Variants in CTNNA3 observed in about 807,000 individuals in gnomAD.
CTNNA3 encodes the protein catenin alpha-3.
A neutral mutation model predicts 95.7 loss-of-function variants in CTNNA3; 76 were observed. The observed-to-expected ratio is 0.79, with a 90% CI of 0.66 to 0.96. The LOEUF is 0.96. CTNNA3 is among the 40% of genes least tolerant of loss of function. CTNNA3 has a pLI of 0.00. For synonymous variants in CTNNA3, 431 were observed against 374.4 expected (o/e 1.15, Z -1.74); for missense variants, 1,191 against 1,089.8 (o/e 1.09, Z -1.31).
At chr10:67,736,651 T>A (rs1411208898) in intron 1 of CTNNA3, among the ~76,000 whole-genome samples, 1 of 151,826 alleles carries the variant, frequency 6.6e-6, no homozygotes, top group Non-Finnish European at 1.5e-5. Flanking sequence ...GAGATGGGGT[T>A]TCACCGTGTT....
intron 7 of CTNNA3, among the ~76,000 whole-genome samples, chr10:66,945,495 G>A (rs1484815531): frequency 1.3e-5 from 2 of 152,120 alleles, no homozygotes; most frequent in African/African-American, 4.8e-5. Flanking sequence ...GAATGTTGTG[G>A]ATGGTTTGAT....
intron 7 of CTNNA3, among the ~76,000 whole-genome samples, chr10:66,878,103 A>G (rs1844695139): frequency 6.6e-6 from 1 of 152,104 alleles, no homozygotes; most frequent in Non-Finnish European, 1.5e-5. Flanking sequence ...ACATTAAAGG[A>G]AGAAAGTATC....
chr10:67,075,518 C>G (rs1233441248), intron 7 of CTNNA3, among the ~76,000 whole-genome samples: 7 of 152,166 alleles, frequency 4.6e-5, no homozygotes, highest in Non-Finnish European at 8.8e-5. Context: ...ACTTAAGATT[C>G]TCCAACGTCA....
At chr10:66,462,062 G>A (rs1354719344) in intron 11 of CTNNA3, among the ~76,000 whole-genome samples, 3 of 151,658 alleles carry the variant, frequency 2.0e-5, no homozygotes, top group East Asian at 1.9e-4. Context: ...CACCCACCTC[G>A]TCCCCCCAAA....
intron 5 of CTNNA3, among the ~76,000 whole-genome samples, chr10:67,382,235 C>T (rs1365550247): frequency 1.3e-5 from 2 of 152,212 alleles, no homozygotes; most frequent in East Asian, 3.9e-4. Flanking sequence ...GCAATAATTT[C>T]CATAAGCAAA....
chr10:66,792,425 C>T (rs73310855), intron 7 of CTNNA3, among the ~76,000 whole-genome samples: 37,135 of 151,984 alleles, frequency 0.24, 5,238 homozygotes, highest in African/African-American at 0.39. Context: ...AATGTAGATT[C>T]TAATTATTTA....
intron 5 of CTNNA3, among the ~76,000 whole-genome samples, chr10:67,305,907 T>A (rs16924353): frequency 0.045 from 6,817 of 152,194 alleles, 160 homozygotes; most frequent in South Asian, 0.096. Context: ...TATTATGGCA[T>A]TTCACACCCA....
intron 11 of CTNNA3, among the ~76,000 whole-genome samples, chr10:66,433,066 G>A (rs2093310355): frequency 6.6e-6 from 1 of 152,122 alleles, no homozygotes; most frequent in Non-Finnish European, 1.5e-5. Context: ...CATTTGGGTT[G>A]GTTCCAAGTC....
intron 11 of CTNNA3, among the ~76,000 whole-genome samples, chr10:66,435,738 TA>T (rs1269027420): frequency 6.6e-6 from 1 of 152,170 alleles, no homozygotes; most frequent in Non-Finnish European, 1.5e-5. Context: ...ATTTGTTTGC[TA>T]TTGCTTCTCT....
chr10:66,559,995 A>G (rs1842504430), intron 10 of CTNNA3, among the ~76,000 whole-genome samples: 1 of 152,122 alleles, frequency 6.6e-6, no homozygotes, highest in Non-Finnish European at 1.5e-5. Flanking sequence ...AATAGGCACG[A>G]AATAAAGACA....
At chr10:66,548,565 G>C (rs909339275) in intron 10 of CTNNA3, among the ~76,000 whole-genome samples, 4 of 151,854 alleles carry the variant, frequency 2.6e-5, no homozygotes, top group Non-Finnish European at 4.4e-5. Flanking sequence ...AGATTTTTTT[G>C]TCAGATGTCA....
intron 11 of CTNNA3, among the ~76,000 whole-genome samples, chr10:66,442,184 G>A (rs1024696544): frequency 6.6e-6 from 1 of 152,072 alleles, no homozygotes; most frequent in Non-Finnish European, 1.5e-5. Context: ...GTTATTATAA[G>A]TAACCCTGTA....
chr10:67,235,968 C>T (rs1484614118), intron 5 of CTNNA3, among the ~76,000 whole-genome samples: 1 of 147,666 alleles, frequency 6.8e-6, no homozygotes, highest in Non-Finnish European at 1.5e-5. Context: ...GAGATATCAT[C>T]TCACACCAGT....
At chr10:66,882,572 A>G (rs1844889992) in intron 7 of CTNNA3, among the ~76,000 whole-genome samples, 5 of 152,166 alleles carry the variant, frequency 3.3e-5, no homozygotes, top group Admixed American at 3.3e-4. Flanking sequence ...CCAAAGCAAC[A>G]TGGTATCATT....
intron 2 of CTNNA3, among the ~76,000 whole-genome samples, chr10:67,645,462 A>G (rs1839676536): frequency 1.3e-5 from 2 of 152,122 alleles, no homozygotes; most frequent in Admixed American, 1.3e-4. Context: ...GCATTAATGT[A>G]TTTGTTTTCA....
intron 10 of CTNNA3, among the ~76,000 whole-genome samples, chr10:66,570,979 T>C (rs922242560): frequency 1.3e-5 from 2 of 152,142 alleles, no homozygotes; most frequent in Non-Finnish European, 1.5e-5. Flanking sequence ...TCTGTCAAAG[T>C]GCTGAGATTC....
At chr10:67,697,916 G>A (rs1840998432), upstream of CTNNA3, among the ~76,000 whole-genome samples, 1 of 152,164 alleles carries the variant, frequency 6.6e-6, no homozygotes, top group African/African-American at 2.4e-5. Context: ...TTTGCTGACA[G>A]AAAACATATA....
intron 15 of CTNNA3, among the ~76,000 whole-genome samples, chr10:66,013,356 T>G (rs2079039131): frequency 6.6e-6 from 1 of 152,244 alleles, no homozygotes; most frequent in Non-Finnish European, 1.5e-5. Context: ...TCAAAAACTA[T>G]AAGTCTATAT....
chr10:67,170,371 T>G (rs1429017816), intron 7 of CTNNA3, among the ~76,000 whole-genome samples: 1 of 152,194 alleles, frequency 6.6e-6, no homozygotes, highest in Non-Finnish European at 1.5e-5. Context: ...TCAACCTAAA[T>G]GTCCATCAAT....
Sources: allele counts gnomAD v4.1 joint callset (sites outside exome capture counted in the v4.1 genomes callset), GRCh38; gene constraint gnomAD v4.1.1; transcripts MANE v1.5; gene names NCBI Gene and HGNC (gene_info 2026-07-23, HGNC 2026-07-21).